CABCOCO1: variants seen among roughly 807,000 people sequenced by gnomAD.
The protein encoded by CABCOCO1 is ciliary associated calcium binding coiled-coil 1.
CABCOCO1 carries 28 observed loss-of-function variants against 35.7 expected under a neutral mutation model. The ratio of observed to expected loss-of-function variants is 0.78; its 90% confidence interval spans 0.58 to 1.07. The LOEUF is 1.07. Among genes scored for constraint, CABCOCO1 ranks in the 50% least tolerant of loss-of-function variants. The pLI is 0.00. For synonymous variants in CABCOCO1, 95 were observed against 100.1 expected, an observed-to-expected ratio of 0.95 and a Z score of 0.30; for missense variants, 326 against 309.2, an observed-to-expected ratio of 1.05 and a Z score of -0.41.
chr10:61,739,807 T>C (rs1216038277), intron 5 of CABCOCO1, among the ~76,000 whole-genome samples: 5 of 152,102 alleles, frequency 3.3e-5, no homozygotes, highest in Non-Finnish European at 4.4e-5. Flanking sequence ...CCAGGCATGG[T>C]GGCACGTGCC....
intron 5 of CABCOCO1, among the ~76,000 whole-genome samples, chr10:61,722,591 C>T (rs766580018): frequency 3.0e-4 from 46 of 151,524 alleles, no homozygotes; most frequent in Non-Finnish European, 5.5e-4. Context: ...AAGTCATTAA[C>T]GATCACAGTA....
At chr10:61,706,146 C>G (rs910305257) in intron 5 of CABCOCO1, among the ~76,000 whole-genome samples, 6 of 152,038 alleles carry the variant, frequency 3.9e-5, no homozygotes, top group African/African-American at 4.8e-5. Flanking sequence ...CTTTTACAAC[C>G]CTTTCCATTT....
intron 2 of CABCOCO1, among the ~76,000 whole-genome samples, chr10:61,679,580 A>C (rs535647589): frequency 6.6e-6 from 1 of 152,324 alleles, no homozygotes; most frequent in African/African-American, 2.4e-5. Flanking sequence ...CTTCATACAG[A>C]AAATGCCTGC....
chr10:61,714,199 G>C (rs1840802945), intron 5 of CABCOCO1, among the ~76,000 whole-genome samples: 1 of 152,110 alleles, frequency 6.6e-6, no homozygotes, highest in Non-Finnish European at 1.5e-5. Context: ...TCTATTATTG[G>C]TCTATTCGGA....
Position 61,679,683 on chromosome 10 carries a change from G to T in CABCOCO1, c.165-1460G>T, listed in dbSNP as rs557363213. ...ACTCCCTTCATCCAAAGATAAGGTG[G>T]TAAACAAAGAATATGCATTCCAGGA... On this transcript the variant is annotated intron_variant, in intron 2 of 7. Transcript: ENST00000648843. Among the ~76,000 whole-genome samples the T allele has an allele frequency of 2.0e-5, 3 of 152,214 alleles. 1 individual carries two copies. The highest frequency in any genetic ancestry group is 2.0e-4 in the Admixed American group (3 of 15,280).
chr10:61,746,330 T>C (rs1841659581), intron 5 of CABCOCO1, among the ~76,000 whole-genome samples: 1 of 152,226 alleles, frequency 6.6e-6, no homozygotes, highest in Admixed American at 6.5e-5. Context: ...TTTAATAATA[T>C]AATGACTCAT....
At chr10:61,680,671 C>T (rs1212077201) in intron 2 of CABCOCO1, among the ~76,000 whole-genome samples, 24 of 53,454 alleles carry the variant, frequency 4.5e-4, no homozygotes, top group Non-Finnish European at 7.3e-4. Context: ...ACATGTATAA[C>T]ATATATGTTA....
chr10:61,670,668 G>A (rs1465686174), intron 1 of CABCOCO1, among the ~76,000 whole-genome samples: 1 of 151,974 alleles, frequency 6.6e-6, no homozygotes, highest in African/African-American at 2.4e-5. Flanking sequence ...TCGCATGGAA[G>A]GCTCAATAAC....
chr10:61,745,229 T>C (rs1253483231), intron 5 of CABCOCO1, among the ~76,000 whole-genome samples: 1 of 152,190 alleles, frequency 6.6e-6, no homozygotes, highest in Non-Finnish European at 1.5e-5. Context: ...TTCTTTATAA[T>C]CAAAGTAATA....
chr10:61,677,098 T>C (rs991221236), intron 2 of CABCOCO1, among the ~76,000 whole-genome samples: 3 of 148,270 alleles, frequency 2.0e-5, no homozygotes, highest in Non-Finnish European at 4.5e-5. Context: ...ATAATAAATT[T>C]TTCTGTTAGA....
At chr10:61,724,923 G>A (rs1227518623) in intron 5 of CABCOCO1, among the ~76,000 whole-genome samples, 2 of 152,140 alleles carry the variant, frequency 1.3e-5, no homozygotes, top group Admixed American at 6.6e-5. Flanking sequence ...TAACAAACCT[G>A]CATGTTGTGC....
chr10:61,741,632 C>T (rs759203549), intron 5 of CABCOCO1, among the ~76,000 whole-genome samples: 3 of 151,960 alleles, frequency 2.0e-5, no homozygotes, highest in East Asian at 1.9e-4. Flanking sequence ...AAAACATATC[C>T]GTTAACCAAG....
chr10:61,765,617 C>G (rs1389310911), intron 7 of CABCOCO1, among the ~76,000 whole-genome samples: 1 of 152,178 alleles, frequency 6.6e-6, no homozygotes, highest in East Asian at 1.9e-4. Flanking sequence ...AGCAGTTATT[C>G]TGATTCAGTG....
intron 2 of CABCOCO1, among the ~76,000 whole-genome samples, chr10:61,678,164 G>C (rs904714998): frequency 6.6e-6 from 1 of 151,920 alleles, no homozygotes; most frequent in Non-Finnish European, 1.5e-5. Context: ...CTACTGATTT[G>C]GAATAATACC....
At chr10:61,682,352 AT>A (rs200143573) in intron 3 of CABCOCO1, among the ~76,000 whole-genome samples, 303 of 152,254 alleles carry the variant, frequency 2.0e-3, no homozygotes, top group Middle Eastern at 3.4e-3. Context: ...GGCAGAAAAA[AT>A]TTTTTTTAAA....
chr10:61,754,807 A>C (rs1415531276), intron 5 of CABCOCO1, among the ~76,000 whole-genome samples: 1 of 152,096 alleles, frequency 6.6e-6, no homozygotes, highest in South Asian at 2.1e-4. Context: ...GGTGATTAGC[A>C]TGTGTGGATC....
intron 5 of CABCOCO1, among the ~76,000 whole-genome samples, chr10:61,713,164 T>C (rs1358204812): frequency 1.3e-5 from 2 of 152,198 alleles, no homozygotes; most frequent in Non-Finnish European, 2.9e-5. Flanking sequence ...CATTTGTTTG[T>C]ATCCTCTTTT....
chr10:61,693,266 G>T (rs890563370), intron 5 of CABCOCO1, among the ~76,000 whole-genome samples: 2 of 152,112 alleles, frequency 1.3e-5, no homozygotes, highest in Admixed American at 6.6e-5. Flanking sequence ...AGAAGTGTTT[G>T]CTAACCCTTG....
chr10:61,748,656 A>G (rs931105510), intron 5 of CABCOCO1, among the ~76,000 whole-genome samples: 2 of 152,244 alleles, frequency 1.3e-5, no homozygotes, highest in African/African-American at 4.8e-5. Context: ...TTGACCTAGC[A>G]GATGATACAG....
Sources: allele counts gnomAD v4.1 joint callset (sites outside exome capture counted in the v4.1 genomes callset), GRCh38; gene constraint gnomAD v4.1.1; transcripts MANE v1.5; gene names NCBI Gene and HGNC (gene_info 2026-07-23, HGNC 2026-07-21).